S100A8: variants seen among roughly 807,000 people sequenced by gnomAD.
S100A8 encodes the protein S100 calcium binding protein A8, also known as protein S100-A8.
A neutral mutation model predicts 4.2 loss-of-function variants in S100A8; 1 was observed. The ratio of observed to expected loss-of-function variants is 0.24; its 90% CI spans 0.08 to 1.12. The LOEUF (loss-of-function observed/expected upper bound fraction) is 1.12, where lower values mean the gene tolerates loss of function less well. Among genes scored for constraint, S100A8 ranks in the 50% most tolerant of loss-of-function variants. The probability of loss-of-function intolerance (pLI) is 0.53; values close to 1 mark genes in which losing one functional copy is unlikely to be tolerated. For missense variants in S100A8, 96 were observed against 111.8 expected (o/e 0.86, Z 0.64); for synonymous variants, 41 against 44.7 (o/e 0.92, Z 0.33).
upstream of S100A8, among the ~76,000 whole-genome samples, chr1:153,392,846 A>G (rs940884734): frequency 3.3e-5 from 5 of 152,216 alleles, no homozygotes; most frequent in Non-Finnish European, 7.3e-5. Context: ...GATGTGAGCC[A>G]TTGGGGACCC....
At chr1:153,419,366 C>T in the S100A8 span, 15 of 1,516,074 alleles carry the variant, frequency 9.9e-6, no homozygotes, top group South Asian at 9.6e-5. Context: ...TCTCCTCCCA[C>T]CAGACACTTG....
At chr1:153,405,763 C>T in the S100A8 span, among the ~76,000 whole-genome samples, 1 of 151,976 alleles carries the variant, frequency 6.6e-6, no homozygotes, top group Admixed American at 6.6e-5. Context: ...TCCATAGAGC[C>T]ACCAACTCTC....
the S100A8 span, among the ~76,000 whole-genome samples, chr1:153,398,557 G>A: frequency 1.3e-5 from 2 of 152,158 alleles, no homozygotes; most frequent in South Asian, 4.1e-4. Flanking sequence ...CCTCTGTGCA[G>A]CTCCTCTCTG....
chr1:153,413,338 C>T, the S100A8 span, among the ~76,000 whole-genome samples: 1 of 152,132 alleles, frequency 6.6e-6, no homozygotes. Context: ...AAGCCAAATC[C>T]AGCTGGCCAA....
At chr1:153,399,449 C>T in the S100A8 span, among the ~76,000 whole-genome samples, 1 of 152,200 alleles carries the variant, frequency 6.6e-6, no homozygotes, top group Non-Finnish European at 1.5e-5. Context: ...AGCTCCAGGG[C>T]TTGGGTGGGG....
upstream of S100A8, among the ~76,000 whole-genome samples, chr1:153,394,160 C>T (rs1662164869): frequency 6.6e-6 from 1 of 152,210 alleles, no homozygotes; most frequent in Non-Finnish European, 1.5e-5. Flanking sequence ...CAGGAAAGGG[C>T]TCAGTCCCTG....
At chr1:153,403,112 C>T in the S100A8 span, among the ~76,000 whole-genome samples, 6 of 152,192 alleles carry the variant, frequency 3.9e-5, no homozygotes, top group African/African-American at 1.4e-4. Context: ...GTAGGTCTAA[C>T]TGTGGAAAGT....
the S100A8 span, among the ~76,000 whole-genome samples, chr1:153,417,783 C>G: frequency 6.1e-4 from 93 of 152,272 alleles, no homozygotes; most frequent in East Asian, 3.3e-3. Context: ...TGTTGCTGGC[C>G]TCCGACTCTC....
At chr1:153,390,677 C>T (rs778895289) in intron 1 of S100A8, 120 bp from the exon 2 acceptor site, 111 of 1,268,192 alleles carry the variant, frequency 8.8e-5, no homozygotes, top group Non-Finnish European at 1.1e-4. Context: ...CTCCAAATAA[C>T]CAAACCAGCA....
upstream of S100A8, chr1:153,391,252 G>A (rs1413962469): frequency 2.1e-5 from 20 of 969,024 alleles, no homozygotes; most frequent in East Asian, 1.1e-4. Flanking sequence ...TAGGAGAAGC[G>A]GAAAGAGGAA....
At chr1:153,391,112 C>T, upstream of S100A8, 1 of 985,712 alleles carries the variant, frequency 1.0e-6, no homozygotes, top group Non-Finnish European at 1.2e-6. Flanking sequence ...AGCGGTTAGG[C>T]TTGGCCAGCT....
chr1:153,417,715 G>T, the S100A8 span, among the ~76,000 whole-genome samples: 2 of 152,196 alleles, frequency 1.3e-5, no homozygotes, highest in Non-Finnish European at 2.9e-5. Context: ...GCTGTTTCAA[G>T]AGTGGGGTCC....
chr1:153,417,298 AC>A, the S100A8 span: 1 of 152,198 alleles, frequency 6.6e-6, no homozygotes, highest in Non-Finnish European at 1.5e-5. Context: ...TTTTATTTAA[AC>A]AGGGTCAACC....
the S100A8 span, chr1:153,420,143 G>C: frequency 6.6e-6 from 1 of 152,258 alleles, no homozygotes; most frequent in African/African-American, 2.4e-5. Context: ...CTGACACAGA[G>C]AGCTCATGCT....
chr1:153,396,144 T>C, the S100A8 span, among the ~76,000 whole-genome samples: 1,285 of 152,298 alleles, frequency 8.4e-3, 18 homozygotes, highest in African/African-American at 0.028. Context: ...GTGGTGTCTC[T>C]CCCATCCAAT....
chr1:153,407,892 C>T, the S100A8 span, among the ~76,000 whole-genome samples: 2 of 152,210 alleles, frequency 1.3e-5, no homozygotes, highest in African/African-American at 4.8e-5. Context: ...TCCAACAGAC[C>T]TGCAGCTGAG....
chr1:153,411,361 G>C, the S100A8 span, among the ~76,000 whole-genome samples: 1 of 152,136 alleles, frequency 6.6e-6, no homozygotes, highest in African/African-American at 2.4e-5. Context: ...GCCAAATCAT[G>C]AGTGAACTCC....
chr1:153,414,233 A>G, the S100A8 span, among the ~76,000 whole-genome samples: 9 of 152,356 alleles, frequency 5.9e-5, no homozygotes, highest in East Asian at 1.3e-3. Flanking sequence ...CCAAGGCACA[A>G]TCCATGAAAG....
chr1:153,403,552 C>T, the S100A8 span, among the ~76,000 whole-genome samples: 1 of 152,206 alleles, frequency 6.6e-6, no homozygotes, highest in Non-Finnish European at 1.5e-5. Flanking sequence ...GTGGAGCAAT[C>T]ATGTCACATT....
Sources: allele counts gnomAD v4.1 joint callset (sites outside exome capture counted in the v4.1 genomes callset), GRCh38; gene constraint gnomAD v4.1.1; transcripts MANE v1.5; gene names NCBI Gene and HGNC (gene_info 2026-07-23, HGNC 2026-07-21).